TFCP2L1: variants seen among roughly 807,000 people sequenced by gnomAD.
TFCP2L1 encodes the protein transcription factor CP2-like protein 1.
TFCP2L1 carries 12 observed loss-of-function variants against 72.2 expected under a neutral mutation model. The observed-to-expected ratio is 0.17, with a 90% confidence interval of 0.11 to 0.27. The LOEUF is 0.27. Ranked by LOEUF, TFCP2L1 falls within the 10% of genes least tolerant of loss-of-function variation. TFCP2L1 has a pLI of 1.00. For synonymous variants in TFCP2L1, 260 were observed against 251.0 expected, an observed-to-expected ratio of 1.04 and a Z score of -0.34; for missense variants, 488 against 624.6, an observed-to-expected ratio of 0.78 and a Z score of 2.33.
Position 121,237,813 on chromosome 2 carries a change from C to A in TFCP2L1, c.898G>T (p.Val300Leu). The change falls in exon 9 of 15, where the codon GTG becomes TTG. Residue 300 changes from valine to leucine, a missense_variant. Coordinates refer to ENST00000263707, the MANE Select transcript of TFCP2L1 (RefSeq NM_014553.3). Reference protein sequence around the residue: ...SPTHPVEALPVGSDHLLPSAS... With the variant: ...SPTHPVEALPLGSDHLLPSAS... ...GCTCAGACACTTACGTCACTGCCCA[C>A]GGGCAGGGCCTCCACCGGGTGGGTC... is the stretch of plus-strand genomic sequence containing the variant. 1 of 1,614,076 alleles carries A rather than the reference C, an allele frequency of 6.2e-7. No individual in the cohort carries two copies. The highest frequency in any genetic ancestry group is 8.5e-7 in the Non-Finnish European group (1 of 1,180,018).
intron 2 of TFCP2L1, among the ~76,000 whole-genome samples, chr2:121,258,168 C>T (rs961722318): frequency 6.6e-6 from 1 of 152,214 alleles, no homozygotes; most frequent in Non-Finnish European, 1.5e-5. Flanking sequence ...GATCACCTGT[C>T]AGATGGCAAA....
intron 2 of TFCP2L1, among the ~76,000 whole-genome samples, chr2:121,256,592 C>T (rs1379288180): frequency 1.3e-5 from 2 of 152,060 alleles, no homozygotes; most frequent in Non-Finnish European, 2.9e-5. Flanking sequence ...TCCTGGCCAA[C>T]ATGGTGACAC....
chr2:121,247,441 C>T (rs995216560), intron 5 of TFCP2L1, among the ~76,000 whole-genome samples: 56 of 151,862 alleles, frequency 3.7e-4, no homozygotes, highest in African/African-American at 1.4e-3. Context: ...ACATAAATGG[C>T]ACTCGATATC....
intron 2 of TFCP2L1, among the ~76,000 whole-genome samples, chr2:121,274,300 T>C (rs1687103917): frequency 6.6e-6 from 1 of 152,132 alleles, no homozygotes; most frequent in Non-Finnish European, 1.5e-5. Flanking sequence ...AGCTTAATAC[T>C]GAGGATACAG....
At chr2:121,283,630 G>A (rs777173754) in intron 1 of TFCP2L1, among the ~76,000 whole-genome samples, 2 of 152,174 alleles carry the variant, frequency 1.3e-5, no homozygotes, top group Non-Finnish European at 2.9e-5. Flanking sequence ...AGGCAAGGGA[G>A]AATTGTTCCC....
At chr2:121,282,528 A>AG (rs1159390758) in intron 1 of TFCP2L1, among the ~76,000 whole-genome samples, 2 of 151,774 alleles carry the variant, frequency 1.3e-5, no homozygotes, top group Non-Finnish European at 1.5e-5. Context: ...TAAAAAAAAA[A>AG]AAAAGGAAAA....
rs528630910 is a variant in TFCP2L1, at chr2:121,231,854, G to A, written c.1313C>T (p.Thr438Met). Residue 438 changes from threonine (T) to methionine (M), a missense_variant, in exon 13 of 15, where the codon ACG becomes ATG. Physicochemically the swap from Thr to Met is moderately conservative, Grantham distance 81 (BLOSUM62 -1). This residue lies in a region of TFCP2L1 where 286 missense variants were observed against 329.0 expected (regional missense o/e 0.87). Coordinates refer to ENST00000263707, the MANE Select transcript of TFCP2L1 (RefSeq NM_014553.3). ...HIHRVYRQGPTGIHVVVSNEM... is the reference protein window; with the variant it reads ...HIHRVYRQGPMGIHVVVSNEM... ...GTTGCTCACCACCACATGGATGCCC[G>A]TGGGGCCCTGCCGGTAGACTCGGTG... 2.7e-5 allele frequency: 43 copies of A among 1,613,224 alleles called. No individual in the cohort carries two copies. Among genetic ancestry groups the A allele is most frequent in the Middle Eastern group, 3.3e-4 (2 of 6,052 alleles).
rs1301519290 is a variant in TFCP2L1, at chr2:121,232,084, G to A, written c.1199-116C>T. 26 of 1,126,572 alleles carry A rather than the reference G, an allele frequency of 2.3e-5. 1 individual carries two copies. Among genetic ancestry groups the A allele is most frequent in the Admixed American group, 2.2e-4 (9 of 40,872 alleles). 69.8% of individuals were successfully genotyped at this position (1,126,572 alleles called of 1,614,324 possible). A position where few individuals can be genotyped will look rare whatever the true frequency, so the allele number is the denominator to read the frequency against. ...GTCAAAATGCCACACCCAGGGCGGC[G>A]GGGCAGGACCACACTGCCACTCTTT... On this transcript the variant is annotated intron_variant, in intron 12 of 14. Coordinates refer to ENST00000263707, the MANE Select transcript of TFCP2L1 (RefSeq NM_014553.3).
chr2:121,271,742 GGGCT>G (rs1558744948), intron 2 of TFCP2L1, among the ~76,000 whole-genome samples: 1 of 152,046 alleles, frequency 6.6e-6, no homozygotes, highest in East Asian at 1.9e-4. Context: ...GAGGAAACTC[GGGCT>G]CCAAAGAATC....
intron 3 of TFCP2L1, 128 bp from the exon 4 acceptor site, chr2:121,249,215 T>C: frequency 1.5e-6 from 1 of 684,894 alleles, no homozygotes; most frequent in Non-Finnish European, 2.4e-6. Flanking sequence ...CTTTCCCAGT[T>C]CTCAAGCTTT....
chr2:121,249,583 T>C lies in TFCP2L1; in HGVS notation c.279A>G (p.Thr93=). The C allele has an allele frequency of 6.2e-7, 1 of 1,614,222 alleles. No homozygotes were observed. The highest frequency in any genetic ancestry group is 8.5e-7 in the Non-Finnish European group (1 of 1,180,040). ...RKLGDFQDLN[T]KYVKSIIRVV... ...CTGTGAGGCTTACCTTGACATATTTTGTGTTCAGATCTTGAAAGTCTCCCA... is the reference window on the plus strand; with the variant it reads ...CTGTGAGGCTTACCTTGACATATTTCGTGTTCAGATCTTGAAAGTCTCCCA... The change falls in exon 3 of 15, where the codon ACA becomes ACG. Residue 93 remains threonine (T), a synonymous_variant. Coordinates refer to ENST00000263707, the MANE Select transcript of TFCP2L1 (RefSeq NM_014553.3).
In TFCP2L1 at chr2:121,221,866, C is replaced by T. The variant is rs1403443660; in HGVS notation, c.*2475G>A. 1 of 152,072 alleles carries T rather than the reference C, an allele frequency of 6.6e-6. No individual in the cohort carries two copies. Among genetic ancestry groups the T allele is most frequent in the Non-Finnish European group, 1.5e-5 (1 of 68,028 alleles). 9.4% of individuals were successfully genotyped at this position (152,072 alleles called of 1,614,324 possible). A position where few individuals can be genotyped will look rare whatever the true frequency, so the allele number is the denominator to read the frequency against. On this transcript the variant is annotated 3_prime_UTR_variant, in exon 15 of 15. Transcript: ENST00000263707. ...TACCAGTCATATACCTGATAAAAGACTGGCGTCTAGAATATACAAATAGCT... is the reference window on the plus strand; with the variant it reads ...TACCAGTCATATACCTGATAAAAGATTGGCGTCTAGAATATACAAATAGCT...
At chr2:121,240,454 A>G in intron 7 of TFCP2L1, 1 of 985,338 alleles carries the variant, frequency 1.0e-6, no homozygotes, top group Non-Finnish European at 1.2e-6. Context: ...ATCACCCACC[A>G]AACTATAGTG....
intron 2 of TFCP2L1, among the ~76,000 whole-genome samples, chr2:121,255,018 G>A (rs1686686975): frequency 6.6e-6 from 1 of 152,192 alleles, no homozygotes; most frequent in Non-Finnish European, 1.5e-5. Context: ...GGCTCAGAGA[G>A]GTTACCTGAC....
chr2:121,235,404 G>T (rs1235008574), intron 10 of TFCP2L1, 93 bp from the exon 11 acceptor site: 57 of 1,233,244 alleles, frequency 4.6e-5, no homozygotes, highest in Non-Finnish European at 5.9e-5. Flanking sequence ...CACTGGGGGT[G>T]GGGGGTGGGG....
At chr2:121,276,281 G>T (rs1369765410) in intron 2 of TFCP2L1, among the ~76,000 whole-genome samples, 1 of 142,544 alleles carries the variant, frequency 7.0e-6, no homozygotes, top group Non-Finnish European at 1.5e-5. Flanking sequence ...TATTCTCATT[G>T]TTCAACTCCC....
At position 121,222,569 on chromosome 2, in the gene TFCP2L1, T is replaced by TA. The variant is rs2104648818; in HGVS notation, c.*1771dup. On this transcript the variant is annotated 3_prime_UTR_variant, in exon 15 of 15. Coordinates refer to ENST00000263707, the MANE Select transcript of TFCP2L1 (RefSeq NM_014553.3). ...AAAAGAGATATCACATGATTCCAGATATATGAAATGTCCAGAGTAGGTTAA... is the reference window on the plus strand; with the variant it reads ...AAAAGAGATATCACATGATTCCAGATAATATGAAATGTCCAGAGTAGGTTAA... 1 of 152,324 alleles carries TA rather than the reference T, an allele frequency of 6.6e-6. No individual in the cohort carries two copies. Among genetic ancestry groups the TA allele is most frequent in the South Asian group, 2.1e-4 (1 of 4,826 alleles). 9.4% of individuals were successfully genotyped at this position (152,324 alleles called of 1,614,324 possible). A position where few individuals can be genotyped will look rare whatever the true frequency, so the allele number is the denominator to read the frequency against.
intron 2 of TFCP2L1, among the ~76,000 whole-genome samples, chr2:121,254,060 G>A (rs577814972): frequency 3.0e-4 from 46 of 152,294 alleles, no homozygotes; most frequent in African/African-American, 1.0e-3. Context: ...CTGCCTGGCC[G>A]ACATCACTGC....
rs374313588 is a variant in TFCP2L1, at chr2:121,246,978, G to A, written c.505-8C>T. ...TGTGCTGATGCAGTGTACCTGGGAG[G>A]AGAAACGTTGGGCAGGTGGCAAGGA... On this transcript the variant is annotated splice_polypyrimidine_tract_variant and splice_region_variant and intron_variant, in intron 5 of 14. Transcript: ENST00000263707. The A allele has an allele frequency of 3.1e-6, 5 of 1,613,916 alleles. No homozygotes were observed. The highest frequency in any genetic ancestry group is 4.2e-6 in the Non-Finnish European group (5 of 1,179,964).
Sources: gnomAD v4.1 joint callset for allele counts (sites outside exome capture counted in the v4.1 genomes callset) on GRCh38, gnomAD v4.1.1 for gene constraint, gnomAD v4.1.1 regional missense constraint, MANE v1.5 for transcripts, NCBI Gene and HGNC (gene_info 2026-07-23, HGNC 2026-07-21) for gene names.